The following FAM184A variants were observed in gnomAD, a reference collection of about 807,000 sequenced individuals.
FAM184A encodes family with sequence similarity 184 member A, also known as protein FAM184A.
Under a neutral mutation model 143.8 loss-of-function variants are expected in FAM184A, and 99 were observed. The observed-to-expected ratio is 0.69, with a 90% confidence interval of 0.58 to 0.81. The LOEUF is 0.81. Ranked by LOEUF, FAM184A falls within the 40% of genes least tolerant of loss-of-function variation. The pLI, the probability that FAM184A is intolerant of heterozygous loss-of-function variation, is 0.00. For synonymous variants in FAM184A, 427 were observed against 446.4 expected (o/e 0.96, Z 0.55); for missense variants, 1,217 against 1,310.5 (o/e 0.93, Z 1.10).
In FAM184A at chr6:118,974,449, A is replaced by G. The variant is rs754485075; in HGVS notation, c.2894T>C (p.Ile965Thr). The G allele has an allele frequency of 1.2e-6, 2 of 1,609,630 alleles. No individual in the cohort carries two copies. Among genetic ancestry groups the G allele is most frequent in the Non-Finnish European group, 1.7e-6 (2 of 1,177,958 alleles). The change falls in exon 14 of 18, where the codon ATA (isoleucine) becomes ACA (threonine). Residue 965 changes from isoleucine (I) to threonine (T), a missense_variant. By Grantham distance (89) the Ile-to-Thr change is moderately conservative. Coordinates refer to ENST00000338891, the MANE Select transcript of FAM184A (RefSeq NM_024581.6). The stretch of plus-strand genomic sequence containing the variant: ...TTACGACACTTGTAAAGCGGCATTT[A>G]TTTCCTTGAGTAGCTCGTTAGTCTT... ...FNKTNELLKE[I>T]NAALQVSLEE...
At chr6:119,018,531 C>T (rs982792125) in intron 4 of FAM184A, among the ~76,000 whole-genome samples, 1 of 152,140 alleles carries the variant, frequency 6.6e-6, no homozygotes, top group African/African-American at 2.4e-5. Flanking sequence ...AGACGGGGCT[C>T]AGAAGTAGGC....
intron 6 of FAM184A, among the ~76,000 whole-genome samples, chr6:119,008,897 G>A (rs1414684557): frequency 6.6e-6 from 1 of 151,996 alleles, no homozygotes; most frequent in Admixed American, 6.6e-5. Context: ...ATCTTTCATG[G>A]GGCTTACAAG....
At chr6:119,023,918 GA>G (rs778458770) in intron 2 of FAM184A, 40 bp downstream of exon 2, 34 of 1,486,216 alleles carry the variant, frequency 2.3e-5, no homozygotes, top group Non-Finnish European at 3.0e-5. Context: ...ATTTTTAAAA[GA>G]AAAAAAATCC....
chr6:119,081,695 A>G (rs1788071154), upstream of FAM184A, among the ~76,000 whole-genome samples: 1 of 152,202 alleles, frequency 6.6e-6, no homozygotes, highest in South Asian at 2.1e-4. Context: ...GGTAGCCAGA[A>G]GGGAGATGGT....
rs1783835952 is a variant in FAM184A at position 118,976,055 on chromosome 6, A to C, written c.2456-11T>G. ...CTGAGCGCAAGGAAGCTGGAATTGC[A>C]AGGCAAAAATACATTTGGCACATTT... is the stretch of plus-strand genomic sequence containing the variant. On this transcript the variant is annotated splice_polypyrimidine_tract_variant and intron_variant, in intron 11 of 17. Coordinates refer to ENST00000338891, the MANE Select transcript of FAM184A (RefSeq NM_024581.6). 2 of 1,607,888 alleles carry C rather than the reference A, an allele frequency of 1.2e-6. No homozygotes were observed. Among genetic ancestry groups the C allele is most frequent in the Middle Eastern group, 1.6e-4 (1 of 6,074 alleles).
intron 9 of FAM184A, among the ~76,000 whole-genome samples, chr6:118,989,738 C>T (rs1393448807): frequency 6.6e-6 from 1 of 151,760 alleles, no homozygotes; most frequent in East Asian, 1.9e-4. Context: ...TAATGAGAGA[C>T]AACTTCTCCA....
chr6:118,984,688 C>A (rs1390295610), intron 9 of FAM184A, among the ~76,000 whole-genome samples: 2 of 152,144 alleles, frequency 1.3e-5, no homozygotes, highest in African/African-American at 2.4e-5. Context: ...AACCATTGAG[C>A]CTTGTTACAA....
At chr6:119,013,874 T>C (rs954192760) in intron 5 of FAM184A, among the ~76,000 whole-genome samples, 3 of 152,240 alleles carry the variant, frequency 2.0e-5, no homozygotes, top group African/African-American at 7.2e-5. Flanking sequence ...TCGAGGTTTA[T>C]TAAACCTATT....
Position 119,022,945 on chromosome 6 carries a change from T to C in FAM184A, c.1150A>G (p.Ser384Gly), listed in dbSNP as rs1785500473. ...CATCAAAAACTGTGGTCACACATAC[T>C]AGCTTTGAGGACAAGATCTGAAGCT... ...QQASDLVLKA[S>G]HIGMLQATQM... The change falls in exon 3 of 18, where the codon AGT becomes GGT. Residue 384 changes from serine to glycine, a missense_variant and splice_region_variant. By Grantham distance (56) the Ser-to-Gly change is moderately conservative (BLOSUM62 0). Transcript: ENST00000338891. The C allele has an allele frequency of 1.2e-6, 2 of 1,614,142 alleles. No homozygotes were observed. The highest frequency in any genetic ancestry group is 2.2e-5 in the East Asian group (1 of 44,868).
chr6:119,133,802 G>C (rs1789595567), intron 1 of FAM184A, among the ~76,000 whole-genome samples: 1 of 151,898 alleles, frequency 6.6e-6, no homozygotes, highest in East Asian at 1.9e-4. Flanking sequence ...CACCACACCT[G>C]GCTAATTATT....
chr6:119,050,332 T>C (rs533172500), intron 1 of FAM184A, among the ~76,000 whole-genome samples: 1 of 152,226 alleles, frequency 6.6e-6, no homozygotes, highest in African/African-American at 2.4e-5. Context: ...ACTGGGTATA[T>C]ACCCAGAGGA....
At chr6:119,137,671 T>C (rs1490932480) in intron 1 of FAM184A, among the ~76,000 whole-genome samples, 1 of 152,116 alleles carries the variant, frequency 6.6e-6, no homozygotes, top group East Asian at 1.9e-4. Flanking sequence ...ATCCAGTGAG[T>C]GAGCACCAGC....
At chr6:119,056,878 A>G (rs1337602298) in intron 1 of FAM184A, among the ~76,000 whole-genome samples, 1 of 152,176 alleles carries the variant, frequency 6.6e-6, no homozygotes, top group Non-Finnish European at 1.5e-5. Flanking sequence ...TTCTGACACA[A>G]CTACTACTCA....
At position 118,961,918 on chromosome 6, in the gene FAM184A, C is replaced by T. The variant is rs767415400; in HGVS notation, c.3184G>A (p.Val1062Ile). Reference sequence around the variant, plus strand: ...GATTCCAGAGCACTTAGATTGGGAACACTCACAAACCTGTTTGTTGGTGAT... The same window carrying T: ...GATTCCAGAGCACTTAGATTGGGAATACTCACAAACCTGTTTGTTGGTGAT... The part of the protein sequence containing the change: ...DKSPTNRFVS[V>I]PNLSALESGG... Residue 1062 changes from valine (V) to isoleucine (I), a missense_variant, in exon 17 of 18, where the codon GTT becomes ATT. Physicochemically the swap from Val to Ile is conservative, Grantham distance 29. Coordinates refer to ENST00000338891, the MANE Select transcript of FAM184A (RefSeq NM_024581.6). The T allele has an allele frequency of 6.2e-7, 1 of 1,613,916 alleles. No homozygotes were observed. The highest frequency in any genetic ancestry group is 1.1e-5 in the South Asian group (1 of 91,066).
chr6:119,141,306 G>A (rs73767259), intron 1 of FAM184A, among the ~76,000 whole-genome samples: 4,383 of 152,262 alleles, frequency 0.029, 150 homozygotes, highest in African/African-American at 0.087. Flanking sequence ...CCCTGTCCAA[G>A]CCTCTGAGAA....
intron 9 of FAM184A, among the ~76,000 whole-genome samples, chr6:118,992,188 G>A (rs1348304145): frequency 6.6e-6 from 1 of 152,160 alleles, no homozygotes; most frequent in Non-Finnish European, 1.5e-5. Context: ...GGTAACAGTG[G>A]CTTGGACTAG....
intron 1 of FAM184A, among the ~76,000 whole-genome samples, chr6:119,040,953 G>GGCT (rs1200357400): frequency 1.3e-5 from 2 of 152,112 alleles, no homozygotes; most frequent in African/African-American, 4.8e-5. Flanking sequence ...TGAATCCAAG[G>GGCT]GCTGCTGTTT....
intron 1 of FAM184A, among the ~76,000 whole-genome samples, chr6:119,118,367 A>AT (rs1372695029): frequency 8.5e-5 from 13 of 152,228 alleles, no homozygotes; most frequent in African/African-American, 2.7e-4. Context: ...CTTAGCTCAT[A>AT]TTAAACACTC....
chr6:119,033,573 G>A (rs1465132403), intron 1 of FAM184A, among the ~76,000 whole-genome samples: 1 of 151,670 alleles, frequency 6.6e-6, no homozygotes, highest in African/African-American at 2.4e-5. Flanking sequence ...GCTGAGGCCG[G>A]AGAATCGCTT....
Sources: allele counts gnomAD v4.1 joint callset (sites outside exome capture counted in the v4.1 genomes callset), GRCh38; gene constraint gnomAD v4.1.1; transcripts MANE v1.5; gene names NCBI Gene and HGNC (gene_info 2026-07-23, HGNC 2026-07-21).